GPR137B: variants seen among roughly 807,000 people sequenced by gnomAD.
The protein encoded by GPR137B is G protein-coupled receptor 137B.
In GPR137B, 42 loss-of-function variants were observed where a neutral mutation model predicts 42.5. The ratio of observed to expected loss-of-function variants is 0.99; its 90% CI spans 0.77 to 1.28. The LOEUF (loss-of-function observed/expected upper bound fraction) is 1.28. Among genes scored for constraint, GPR137B ranks in the 50% most tolerant of loss-of-function variants. The pLI is 0.00. For missense variants in GPR137B, 487 were observed against 493.9 expected (o/e 0.99, Z 0.13); for synonymous variants, 218 against 209.7 (o/e 1.04, Z -0.34).
At chr1:236,168,980 C>A (rs561145908) in intron 2 of GPR137B, among the ~76,000 whole-genome samples, 1 of 152,280 alleles carries the variant, frequency 6.6e-6, no homozygotes, top group Admixed American at 6.5e-5. Flanking sequence ...TCATACTTAC[C>A]CAGTTCAGAA....
Position 236,168,754 on chromosome 1 carries a change from C to T in GPR137B, c.463C>T (p.Arg155Trp), listed in dbSNP as rs370261390. 1.7e-5 allele frequency: 27 copies of T among 1,596,610 alleles called. No homozygotes were observed. Among genetic ancestry groups the T allele is most frequent in the African/African-American group, 2.7e-5 (2 of 74,526 alleles). Residue 155 changes from arginine (R) to tryptophan (W), a missense_variant and splice_region_variant, in exon 2 of 7, where the codon CGG (arginine) becomes TGG (tryptophan). Physicochemically the swap from Arg to Trp is moderately radical, Grantham distance 101. Transcript: ENST00000366592. ...ATATTCTCCAGAATTACTCAAATAC[C>T]GGTAAGTACTGCAGGGCATCTCTTT... is the stretch of plus-strand genomic sequence containing the variant. ...SKYSPELLKY[R>W]LPLYLASLFI...
chr1:236,173,299 A>G (rs1571983512), intron 2 of GPR137B, among the ~76,000 whole-genome samples: 1 of 151,178 alleles, frequency 6.6e-6, no homozygotes, highest in East Asian at 2.0e-4. Flanking sequence ...TCAAAAAAAA[A>G]AAAAAAGAAG....
chr1:236,189,997 C>T (rs1208876497), intron 5 of GPR137B, among the ~76,000 whole-genome samples: 1 of 152,090 alleles, frequency 6.6e-6, no homozygotes, highest in Non-Finnish European at 1.5e-5. Flanking sequence ...CTGGGTGCTC[C>T]TGTATTGGGT....
chr1:236,163,880 C>G (rs1184077888), intron 1 of GPR137B, among the ~76,000 whole-genome samples: 1 of 151,982 alleles, frequency 6.6e-6, no homozygotes, highest in African/African-American at 2.4e-5. Context: ...CCTCACACCT[C>G]CCATACTGCC....
At chr1:236,174,866 A>T (rs1662639483) in intron 2 of GPR137B, among the ~76,000 whole-genome samples, 1 of 151,994 alleles carries the variant, frequency 6.6e-6, no homozygotes, top group African/African-American at 2.4e-5. Flanking sequence ...GGACATTGGG[A>T]ATTGAGTTTG....
intron 1 of GPR137B, among the ~76,000 whole-genome samples, chr1:236,143,755 ATAT>A (rs1404236571): frequency 6.6e-6 from 1 of 152,246 alleles, no homozygotes; most frequent in Admixed American, 6.5e-5. Flanking sequence ...TTTATGGGGC[ATAT>A]TATTAAATAA....
At chr1:236,164,290 G>A (rs1031665383) in intron 1 of GPR137B, among the ~76,000 whole-genome samples, 4 of 152,138 alleles carry the variant, frequency 2.6e-5, no homozygotes, top group African/African-American at 9.7e-5. Context: ...ATTTTCATCT[G>A]GCCTCATTTG....
chr1:236,148,300 T>C (rs1661737829), intron 1 of GPR137B, among the ~76,000 whole-genome samples: 1 of 152,150 alleles, frequency 6.6e-6, no homozygotes, highest in African/African-American at 2.4e-5. Flanking sequence ...GTCTGTGCCC[T>C]GCAGGGGCAG....
chr1:236,180,034 TG>T lies in GPR137B; in HGVS notation c.837+11del. The T allele has an allele frequency of 6.2e-7, 1 of 1,611,962 alleles. No individual in the cohort carries two copies. Among genetic ancestry groups the T allele is most frequent in the Non-Finnish European group, 8.5e-7 (1 of 1,178,078 alleles). Reference sequence around the variant, plus strand: ...GGTACAATGTATCAGACCAGGTCAGTGGGGGCGCTGAGGAGGTGTCACCTGA... The same window carrying T: ...GGTACAATGTATCAGACCAGGTCAGTGGGGCGCTGAGGAGGTGTCACCTGA... On this transcript the variant is annotated splice_region_variant and intron_variant, in intron 4 of 6. Transcript: ENST00000366592.
chr1:236,190,148 C>CTTTTTTTTTT (rs34520510), intron 5 of GPR137B, among the ~76,000 whole-genome samples: 7 of 119,398 alleles, frequency 5.9e-5, no homozygotes, highest in Admixed American at 8.4e-5. Flanking sequence ...CCTGCTTCTT[C>CTTTTTTTTTT]TTTTTTTTTT....
intron 5 of GPR137B, among the ~76,000 whole-genome samples, chr1:236,185,971 C>T (rs989274376): frequency 1.3e-5 from 2 of 151,534 alleles, no homozygotes; most frequent in Non-Finnish European, 2.9e-5. Flanking sequence ...CTATAATCTC[C>T]TGTGTCTATA....
rs1157833010 is a variant in GPR137B, at chr1:236,142,821, G to C, written c.199G>C (p.Val67Leu). The change falls in exon 1 of 7, where the codon GTG becomes CTG. Residue 67 changes from valine (V) to leucine (L), a missense_variant. By Grantham distance (32) the Val-to-Leu change is conservative (BLOSUM62 1). Transcript: ENST00000366592. ...FVFIYVQLWL[V>L]LRYRHKRLSY... ...GTTCATCTACGTGCAGCTCTGGCTG[G>C]TGCTGCGTTACCGCCACAAGCGGCT... The C allele has an allele frequency of 6.2e-7, 1 of 1,614,000 alleles. No homozygotes were observed. Among genetic ancestry groups the C allele is most frequent in the Non-Finnish European group, 8.5e-7 (1 of 1,179,894 alleles).
intron 5 of GPR137B, among the ~76,000 whole-genome samples, chr1:236,192,432 C>T (rs138161264): frequency 3.8e-4 from 58 of 151,996 alleles, no homozygotes; most frequent in South Asian, 1.0e-3. Flanking sequence ...CCCAAATGGC[C>T]GCCCAGTTTT....
chr1:236,203,102 G>C (rs758854627), intron 5 of GPR137B, among the ~76,000 whole-genome samples: 9 of 152,084 alleles, frequency 5.9e-5, no homozygotes, highest in Non-Finnish European at 1.0e-4. Flanking sequence ...TTTTGAGACA[G>C]AGTCTTGCTC....
chr1:236,206,576 C>A (rs553860263), intron 6 of GPR137B, among the ~76,000 whole-genome samples: 5 of 152,122 alleles, frequency 3.3e-5, no homozygotes. Flanking sequence ...ACTACCAGTC[C>A]GCTGCCATCG....
Position 236,155,958 on chromosome 1 carries a change from A to G in GPR137B, c.415-12748A>G, listed in dbSNP as rs1662011659. Among the ~76,000 whole-genome samples, 1 of 152,176 alleles carries G rather than the reference A, an allele frequency of 6.6e-6. No individual in the cohort carries two copies. Among genetic ancestry groups the G allele is most frequent in the South Asian group, 2.1e-4 (1 of 4,832 alleles). ...GCACAAACATGCACACACATACACA[A>G]ACGCACACACATGCACACACACGCG... On this transcript the variant is annotated intron_variant, in intron 1 of 6. Coordinates refer to ENST00000366592, the MANE Select transcript of GPR137B (RefSeq NM_003272.4). This position sits in a 1 kb window ranked among gnomAD's most constrained non-coding sequence, Gnocchi z 4.6.
Position 236,146,928 on chromosome 1 carries a change from C to T in GPR137B, c.414+3892C>T, listed in dbSNP as rs542435130. On this transcript the variant is annotated intron_variant, in intron 1 of 6. Coordinates refer to ENST00000366592, the MANE Select transcript of GPR137B (RefSeq NM_003272.4). ...GATTCAAGCAGTTCTCCTGCCTCGGCCTCCTTAGTAGCTGAGATTACAGGT... is the reference window on the plus strand; with the variant it reads ...GATTCAAGCAGTTCTCCTGCCTCGGTCTCCTTAGTAGCTGAGATTACAGGT... 6.0e-4 allele frequency among the ~76,000 whole-genome samples: 91 copies of T among 152,292 alleles called. No individual in the cohort carries two copies. In the South Asian group the frequency reaches 9.7e-3, roughly 16 times the overall value.
At chr1:236,143,824 C>A (rs964682201) in intron 1 of GPR137B, among the ~76,000 whole-genome samples, 1 of 152,230 alleles carries the variant, frequency 6.6e-6, no homozygotes, top group African/African-American at 2.4e-5. Flanking sequence ...TGATGGTTGA[C>A]TTAATGAAAG....
intron 1 of GPR137B, among the ~76,000 whole-genome samples, chr1:236,153,038 A>G (rs1297239869): frequency 2.0e-5 from 3 of 151,768 alleles, no homozygotes; most frequent in Non-Finnish European, 4.4e-5. Flanking sequence ...GCTGGGAGAC[A>G]GAGCAATACT....
Sources: gnomAD v4.1 joint callset for allele counts (sites outside exome capture counted in the v4.1 genomes callset) on GRCh38, gnomAD v4.1.1 for gene constraint, Gnocchi (gnomAD v3.1) non-coding constraint, MANE v1.5 for transcripts, NCBI Gene and HGNC (gene_info 2026-07-23, HGNC 2026-07-21) for gene names.